The following TLE6 variants were observed in gnomAD, a reference collection of about 807,000 sequenced individuals.
TLE6 encodes transducin-like enhancer protein 6.
A neutral mutation model predicts 77.1 loss-of-function variants in TLE6; 72 were observed. The ratio of observed to expected loss-of-function variants is 0.93; its 90% confidence interval spans 0.77 to 1.14. The LOEUF (loss-of-function observed/expected upper bound fraction) is 1.14, where lower values mean the gene tolerates loss of function less well. Among genes scored for constraint, TLE6 ranks in the 50% most tolerant of loss-of-function variants. The pLI, the probability that TLE6 is intolerant of heterozygous loss-of-function variation, is 0.00. For synonymous variants in TLE6, 366 were observed against 287.3 expected (o/e 1.27, Z -2.77); for missense variants, 843 against 747.6 (o/e 1.13, Z -1.49).
intron 2 of TLE6, among the ~76,000 whole-genome samples, chr19:2,979,245 C>T (rs926610619): frequency 6.6e-6 from 1 of 151,932 alleles, no homozygotes; most frequent in African/African-American, 2.4e-5. Context: ...AGCCACCACA[C>T]TTGGCCAAGA....
At chr19:2,987,282 G>A (rs140473661) in intron 7 of TLE6, 44 bp downstream of exon 7, 6 of 1,614,178 alleles carry the variant, frequency 3.7e-6, no homozygotes, top group Non-Finnish European at 5.1e-6. Context: ...GCCACAGGCT[G>A]CGTCTCAGGG....
intron 13 of TLE6, among the ~76,000 whole-genome samples, chr19:2,991,376 G>GTATATGTATATA (rs2089053344): frequency 9.5e-6 from 1 of 105,540 alleles, no homozygotes; most frequent in African/African-American, 3.6e-5. Flanking sequence ...AAAAAAATAC[G>GTATATGTATATA]TATATATATA....
intron 13 of TLE6, among the ~76,000 whole-genome samples, chr19:2,990,830 CT>C (rs543540841): frequency 2.4e-4 from 36 of 151,196 alleles, no homozygotes; most frequent in African/African-American, 8.0e-4. Flanking sequence ...GCGAAACCCC[CT>C]CTCTACTAAA....
Position 2,993,535 on chromosome 19 carries a change from T to A in TLE6, c.1490T>A (p.Val497Glu). The change falls in exon 15 of 17, where the codon GTG becomes GAG. Residue 497 changes from valine to glutamate, a missense_variant. Val to Glu is a moderately radical substitution (Grantham distance 121). Coordinates refer to ENST00000246112, the MANE Select transcript of TLE6 (RefSeq NM_001143986.2). ...ACCAGCGGGAGCCAGCGGCACATGG[T>A]GGGGCAAAAAGACAGCGTCATCCTG... ...QSTSGSQRHM[V>E]GQKDSVILSV... 6.3e-7 allele frequency: 1 copy of A among 1,589,502 alleles called. No homozygotes were observed. The highest frequency in any genetic ancestry group is 8.6e-7 in the Non-Finnish European group (1 of 1,161,734).
intron 4 of TLE6, among the ~76,000 whole-genome samples, chr19:2,981,916 G>A (rs2088806341): frequency 6.6e-6 from 1 of 151,960 alleles, no homozygotes; most frequent in Non-Finnish European, 1.5e-5. Flanking sequence ...AGGTTGCGGT[G>A]AACTGAGATC....
At chr19:2,984,296 T>G (rs946712361) in intron 5 of TLE6, 3 of 150,582 alleles carry the variant, frequency 2.0e-5, no homozygotes, top group African/African-American at 7.3e-5. Context: ...CGGGCTCAGC[T>G]GGGAAATCCA....
At chr19:2,982,830 C>A (rs2088826870) in intron 5 of TLE6, among the ~76,000 whole-genome samples, 1 of 152,150 alleles carries the variant, frequency 6.6e-6, no homozygotes, top group African/African-American at 2.4e-5. Context: ...CTAGATGACC[C>A]TTTGCCGGTC....
chr19:2,991,459 ATATC>A (rs1383419431), intron 13 of TLE6, among the ~76,000 whole-genome samples: 1 of 150,586 alleles, frequency 6.6e-6, no homozygotes, highest in African/African-American at 2.5e-5. Flanking sequence ...AACATATAAG[ATATC>A]TATCAGCATA....
chr19:2,983,457 G>T (rs897642174), intron 5 of TLE6, among the ~76,000 whole-genome samples: 2 of 152,112 alleles, frequency 1.3e-5, no homozygotes, highest in African/African-American at 2.4e-5. Flanking sequence ...ACATCTGAGC[G>T]GAGGCTTAAA....
At position 2,981,572 on chromosome 19, in the gene TLE6, A is replaced by G. The variant is rs1444519646; in HGVS notation, c.169A>G (p.Ile57Val). ...SPHFAAELES[I>V]YYSLHKIQQD... ...TCATTTTGCTGCGGAGTTGGAGAGC[A>G]TTTACTACTCGGTGAGCCAGACCCA... is the stretch of plus-strand genomic sequence containing the variant. The change falls in exon 4 of 17, where the codon ATT (isoleucine) becomes GTT (valine). Residue 57 changes from isoleucine (I) to valine (V), a missense_variant. Ile to Val is a conservative substitution (Grantham distance 29, BLOSUM62 3). Coordinates refer to ENST00000246112, the MANE Select transcript of TLE6 (RefSeq NM_001143986.2). 8 of 1,551,264 alleles carry G rather than the reference A, an allele frequency of 5.2e-6. No individual in the cohort carries two copies. Among genetic ancestry groups the G allele is most frequent in the Non-Finnish European group, 7.0e-6 (8 of 1,146,940 alleles).
rs1366114001 is a variant in TLE6 at position 2,994,072 on chromosome 19, C to T, written c.1591C>T (p.Pro531Ser). The change falls in exon 16 of 17, where the codon CCG (proline) becomes TCG (serine). Residue 531 changes from proline to serine, a missense_variant. Physicochemically the swap from Pro to Ser is moderately conservative, Grantham distance 74. Coordinates refer to ENST00000246112, the MANE Select transcript of TLE6 (RefSeq NM_001143986.2). Reference sequence around the variant, plus strand: ...CGACTTCCTTGGCGTCTACAGCATGCCGGCGGGGACAAAAGTGTTCGAGGT... The same window carrying T: ...CGACTTCCTTGGCGTCTACAGCATGTCGGCGGGGACAAAAGTGTTCGAGGT... The part of the protein sequence containing the change: ...MDDFLGVYSM[P>S]AGTKVFEVPE... 9 of 1,606,014 alleles carry T rather than the reference C, an allele frequency of 5.6e-6. No individual in the cohort carries two copies. The highest frequency in any genetic ancestry group is 1.7e-5 in the Admixed American group (1 of 58,394).
chr19:2,985,398 C>T (rs928802600), intron 5 of TLE6, among the ~76,000 whole-genome samples: 1 of 103,042 alleles, frequency 9.7e-6, no homozygotes, highest in East Asian at 2.1e-4. Flanking sequence ...CTGCTTGAAG[C>T]CTTTTTTTTT....
intron 3 of TLE6, among the ~76,000 whole-genome samples, chr19:2,981,260 C>T (rs557230085): frequency 6.9e-5 from 10 of 144,872 alleles, no homozygotes; most frequent in African/African-American, 2.3e-4. Context: ...CTCGGGAGGT[C>T]GAGGCAGGAG....
intron 13 of TLE6, among the ~76,000 whole-genome samples, chr19:2,991,425 C>CAT (rs1555686317): frequency 0.013 from 1,815 of 135,308 alleles, 26 homozygotes; most frequent in African/African-American, 0.021. Context: ...CACACACACA[C>CAT]ATATATATAA....
intron 12 of TLE6, 35 bp from the exon 13 acceptor site, chr19:2,989,500 G>A: frequency 6.3e-7 from 1 of 1,593,402 alleles, no homozygotes; most frequent in Non-Finnish European, 8.5e-7. Context: ...AATGCCACGG[G>A]GGGCGACAGC....
intron 13 of TLE6, among the ~76,000 whole-genome samples, chr19:2,991,441 GTAT>G (rs1372653186): frequency 7.2e-6 from 1 of 138,872 alleles, no homozygotes; most frequent in East Asian, 2.1e-4. Flanking sequence ...TATAATATAT[GTAT>G]TTATAACATA....
intron 13 of TLE6, 137 bp from the exon 14 acceptor site, chr19:2,991,706 C>G: frequency 1.0e-5 from 8 of 781,284 alleles, no homozygotes; most frequent in Non-Finnish European, 1.2e-5. Flanking sequence ...TTTCTGCCAA[C>G]TTTGACACTC....
At chr19:2,988,047 TG>T (rs2088956850) in intron 10 of TLE6, 43 bp from the exon 11 acceptor site, 1 of 1,561,896 alleles carries the variant, frequency 6.4e-7, no homozygotes, top group Non-Finnish European at 8.7e-7. Context: ...TGGGCACAGA[TG>T]TGCGGGGAGG....
chr19:2,991,780 G>C, intron 13 of TLE6, 63 bp from the exon 14 acceptor site: 1 of 1,553,950 alleles, frequency 6.4e-7, no homozygotes, highest in Non-Finnish European at 8.8e-7. Context: ...AGTGACTGGT[G>C]TTTCCGGGGG....
Sources: allele counts gnomAD v4.1 joint callset (sites outside exome capture counted in the v4.1 genomes callset), GRCh38; gene constraint gnomAD v4.1.1; transcripts MANE v1.5; gene names NCBI Gene and HGNC (gene_info 2026-07-23, HGNC 2026-07-21).